The following GRIP1 variants were observed in gnomAD, a reference collection of about 807,000 sequenced individuals.
GRIP1 encodes glutamate receptor-interacting protein 1.
A neutral mutation model predicts 129.9 loss-of-function variants in GRIP1; 45 were observed. The observed-to-expected ratio is 0.35, with a 90% CI of 0.27 to 0.44. The LOEUF is 0.44. Ranked by LOEUF, GRIP1 falls within the 20% of genes least tolerant of loss-of-function variation. GRIP1 has a pLI of 1.00. For synonymous variants in GRIP1, 530 were observed against 520.8 expected, an observed-to-expected ratio of 1.02 and a Z score of -0.24; for missense variants, 1,196 against 1,396.8, an observed-to-expected ratio of 0.86 and a Z score of 2.29.
intron 23 of GRIP1, among the ~76,000 whole-genome samples, chr12:66,368,172 A>C (rs1310816372): frequency 1.3e-5 from 2 of 152,180 alleles, no homozygotes; most frequent in Non-Finnish European, 2.9e-5. Flanking sequence ...CAGAAGATGG[A>C]AGGTGAGCCA....
chr12:66,884,917 A>C (rs2040539883), intron 1 of GRIP1, among the ~76,000 whole-genome samples: 1 of 152,324 alleles, frequency 6.6e-6, no homozygotes, highest in Middle Eastern at 3.4e-3. Context: ...GGAAAGAAAA[A>C]AGAAGCTTTT....
At chr12:66,539,031 G>T (rs1472128731) in intron 4 of GRIP1, 47 bp downstream of exon 4, 3 of 1,530,196 alleles carry the variant, frequency 2.0e-6, no homozygotes, top group East Asian at 4.5e-5. Context: ...ATCCACTGGG[G>T]GTCTTGGAAT....
At chr12:66,570,811 C>A (rs143510519) in intron 2 of GRIP1, among the ~76,000 whole-genome samples, 1 of 152,014 alleles carries the variant, frequency 6.6e-6, no homozygotes, top group Admixed American at 6.6e-5. Flanking sequence ...AAACTTGAGG[C>A]GGCACAAAAC....
Position 66,348,734 on chromosome 12 carries a change from T to C in GRIP1, c.*285A>G. 2.5e-6 allele frequency: 1 copy of C among 395,124 alleles called. No homozygotes were observed. Among genetic ancestry groups the C allele is most frequent in the South Asian group, 4.4e-5 (1 of 22,886 alleles). 24.5% of individuals were successfully genotyped at this position (395,124 alleles called of 1,614,324 possible). ...ATAGTAAGATGAACTTGTAAAAAATTTCCTCTGATGTTAATTGTAGAGTTG... is the reference window on the plus strand; with the variant it reads ...ATAGTAAGATGAACTTGTAAAAAATCTCCTCTGATGTTAATTGTAGAGTTG... On this transcript the variant is annotated 3_prime_UTR_variant, in exon 25 of 25. Coordinates refer to ENST00000359742, the MANE Select transcript of GRIP1 (RefSeq NM_001366722.1).
intron 1 of GRIP1, among the ~76,000 whole-genome samples, chr12:66,620,400 A>G (rs1244360410): frequency 6.6e-6 from 1 of 152,160 alleles, no homozygotes; most frequent in East Asian, 1.9e-4. Flanking sequence ...AAAGGACAAT[A>G]TAATTTTCAG....
chr12:66,880,994 GT>G (rs920962886), intron 1 of GRIP1, among the ~76,000 whole-genome samples: 94 of 143,836 alleles, frequency 6.5e-4, no homozygotes, highest in African/African-American at 1.1e-3. Context: ...TTACTCTTCT[GT>G]TTTTTTTTTT....
chr12:66,861,018 T>C lies in GRIP1; in HGVS notation c.58+208032A>G, dbSNP rs151294019. Among the ~76,000 whole-genome samples the C allele has an allele frequency of 1.1e-3, 161 of 152,200 alleles. 1 individual carries two copies. The highest frequency in any genetic ancestry group is 3.7e-3 in the African/African-American group (154 of 41,560). On this transcript the variant is annotated intron_variant, in intron 1 of 1. Transcript: ENST00000643019. ...AGGGCTACCCAGGATAATATCAGTG[T>C]GGAGACTATTTGCTGATATATCTCT...
chr12:66,643,668 G>A (rs1209164635), intron 1 of GRIP1, among the ~76,000 whole-genome samples: 2 of 152,062 alleles, frequency 1.3e-5, no homozygotes, highest in Non-Finnish European at 1.5e-5. Flanking sequence ...TGGCTCAAGC[G>A]ATCCTCCCAC....
rs1037946398 is a variant in GRIP1, at chr12:66,371,884, G to A, written c.2822C>T (p.Ala941Val). ...SGSTMSLNHEAPTPRSQLGRQ... is the reference protein window; with the variant it reads ...SGSTMSLNHEVPTPRSQLGRQ... ...CCCCAGCTGACTGCGAGGTGTTGGA[G>A]CCTCATGATTCAAACTCATCGTGCT... The change falls in exon 23 of 25, where the codon GCT becomes GTT. Residue 941 changes from alanine to valine, a missense_variant. This residue lies in a region of GRIP1 where 427 missense variants were observed against 463.3 expected (regional missense o/e 0.92). Transcript: ENST00000359742. 1 of 1,613,096 alleles carries A rather than the reference G, an allele frequency of 6.2e-7. No homozygotes were observed. Among genetic ancestry groups the A allele is most frequent in the South Asian group, 1.1e-5 (1 of 91,056 alleles).
intron 1 of GRIP1, among the ~76,000 whole-genome samples, chr12:66,814,197 G>A (rs2039159994): frequency 6.6e-6 from 1 of 151,992 alleles, no homozygotes; most frequent in South Asian, 2.1e-4. Context: ...CTGTGCAACT[G>A]TGAGCAAGTT....
chr12:66,448,833 T>C (rs1355143569), intron 11 of GRIP1, among the ~76,000 whole-genome samples: 4 of 152,210 alleles, frequency 2.6e-5, no homozygotes, highest in Non-Finnish European at 5.9e-5. Flanking sequence ...CTTTCTAACA[T>C]GCAAGGGTAA....
chr12:66,467,521 A>T (rs2059320244), intron 7 of GRIP1, among the ~76,000 whole-genome samples: 2 of 152,180 alleles, frequency 1.3e-5, no homozygotes, highest in Non-Finnish European at 2.9e-5. Flanking sequence ...TTTGCACATC[A>T]TGAGCCTTAG....
intron 1 of GRIP1, among the ~76,000 whole-genome samples, chr12:66,883,216 C>T (rs2040509241): frequency 6.6e-6 from 1 of 152,140 alleles, no homozygotes; most frequent in East Asian, 1.9e-4. Context: ...TCATCTTCCC[C>T]TTTCACATTT....
At chr12:67,058,682 G>C (rs2043478731) in intron 1 of GRIP1, among the ~76,000 whole-genome samples, 1 of 152,206 alleles carries the variant, frequency 6.6e-6, no homozygotes, top group Non-Finnish European at 1.5e-5. Context: ...AAAACTACTT[G>C]TCAGCCTCGA....
At chr12:66,478,906 C>T (rs1257674693) in intron 7 of GRIP1, among the ~76,000 whole-genome samples, 2 of 152,084 alleles carry the variant, frequency 1.3e-5, no homozygotes, top group East Asian at 3.9e-4. Context: ...GGAGGGATAG[C>T]ATTAGGAAAT....
chr12:67,057,003 G>A (rs61917787), intron 1 of GRIP1, among the ~76,000 whole-genome samples: 4,330 of 152,144 alleles, frequency 0.028, 64 homozygotes, highest in Middle Eastern at 0.058. Flanking sequence ...TAGAGACAGG[G>A]TTTCACCATT....
At chr12:66,506,418 C>A (rs1190778817) in intron 7 of GRIP1, among the ~76,000 whole-genome samples, 2 of 152,072 alleles carry the variant, frequency 1.3e-5, no homozygotes, top group East Asian at 1.9e-4. Context: ...ATAATTTGGG[C>A]AAAAGAACCC....
intron 1 of GRIP1, among the ~76,000 whole-genome samples, chr12:66,763,669 G>T (rs570276045): frequency 6.6e-6 from 1 of 152,192 alleles, no homozygotes; most frequent in South Asian, 2.1e-4. Flanking sequence ...ACAGCTGCAG[G>T]AAATAAAACA....
intron 1 of GRIP1, among the ~76,000 whole-genome samples, chr12:66,839,847 A>G (rs1444044375): frequency 6.6e-6 from 1 of 152,232 alleles, no homozygotes; most frequent in African/African-American, 2.4e-5. Flanking sequence ...AGATTAACAG[A>G]GAGCCAGATG....
Sources: gnomAD v4.1 joint callset for allele counts (sites outside exome capture counted in the v4.1 genomes callset) on GRCh38, gnomAD v4.1.1 for gene constraint, gnomAD v4.1.1 regional missense constraint, MANE v1.5 for transcripts, NCBI Gene and HGNC (gene_info 2026-07-23, HGNC 2026-07-21) for gene names.